AFF3: variants seen among roughly 807,000 people sequenced by gnomAD.
AFF3 encodes AF4/FMR2 family member 3.
Under a neutral mutation model 129.7 loss-of-function variants are expected in AFF3, and 32 were observed. The observed-to-expected ratio is 0.25, with a 90% CI of 0.19 to 0.33. The LOEUF is 0.33. AFF3 is among the 10% of genes least tolerant of loss of function. The probability of loss-of-function intolerance (pLI) is 1.00; values close to 1 mark genes in which losing one functional copy is unlikely to be tolerated. For missense variants in AFF3, 1,373 were observed against 1,592.0 expected, an observed-to-expected ratio of 0.86 and a Z score of 2.34; for synonymous variants, 644 against 635.4, an observed-to-expected ratio of 1.01 and a Z score of -0.20.
chr2:99,604,706 A>G (rs1330113387), intron 13 of AFF3, among the ~76,000 whole-genome samples: 1 of 152,168 alleles, frequency 6.6e-6, no homozygotes. Flanking sequence ...AAGCAAAACA[A>G]CACATGGCTC....
At chr2:99,666,393 T>TA (rs953620216) in intron 12 of AFF3, among the ~76,000 whole-genome samples, 9 of 152,052 alleles carry the variant, frequency 5.9e-5, no homozygotes, top group Non-Finnish European at 1.2e-4. Flanking sequence ...GAATAGCCAC[T>TA]AAAAAAGCTG....
intron 16 of AFF3, among the ~76,000 whole-genome samples, chr2:99,584,686 G>A (rs1677919325): frequency 6.6e-6 from 1 of 152,052 alleles, no homozygotes; most frequent in Non-Finnish European, 1.5e-5. Context: ...GTATTGTTTG[G>A]GGAAGACAGA....
At chr2:99,708,950 A>C (rs957175714) in intron 11 of AFF3, among the ~76,000 whole-genome samples, 10 of 152,232 alleles carry the variant, frequency 6.6e-5, no homozygotes, top group Admixed American at 6.5e-4. Context: ...TTAAATTCTT[A>C]AACTGGACTT....
At chr2:100,119,431 C>T (rs974123680) in intron 2 of AFF3, among the ~76,000 whole-genome samples, 3 of 152,186 alleles carry the variant, frequency 2.0e-5, no homozygotes, top group Non-Finnish European at 2.9e-5. Flanking sequence ...AACTAGGAGT[C>T]TTCATTGGCC....
chr2:99,835,036 A>G (rs1213772697), intron 8 of AFF3, among the ~76,000 whole-genome samples: 1 of 152,174 alleles, frequency 6.6e-6, no homozygotes, highest in East Asian at 1.9e-4. Context: ...ATGCTCAAAA[A>G]TGAATTTATG....
At chr2:99,890,170 C>T (rs758254515) in intron 7 of AFF3, among the ~76,000 whole-genome samples, 4 of 152,160 alleles carry the variant, frequency 2.6e-5, no homozygotes, top group African/African-American at 7.2e-5. Context: ...TAATGGGACA[C>T]CAGCTCAGCC....
At chr2:100,136,144 G>A (rs1692633035) in intron 1 of AFF3, among the ~76,000 whole-genome samples, 1 of 152,224 alleles carries the variant, frequency 6.6e-6, no homozygotes, top group Non-Finnish European at 1.5e-5. Flanking sequence ...CAAAAGGAGA[G>A]ACTGAGTGTT....
chr2:99,769,283 C>T (rs1683274954), intron 8 of AFF3, among the ~76,000 whole-genome samples: 1 of 152,172 alleles, frequency 6.6e-6, no homozygotes, highest in African/African-American at 2.4e-5. Flanking sequence ...TATTAAGAGA[C>T]TCTGATGCAT....
At chr2:99,652,822 T>C (rs1685392568) in intron 12 of AFF3, among the ~76,000 whole-genome samples, 1 of 152,182 alleles carries the variant, frequency 6.6e-6, no homozygotes, top group African/African-American at 2.4e-5. Flanking sequence ...AGATTCTGAA[T>C]GAAGACCCCA....
rs546922633 is a variant in AFF3 at position 99,808,904 on chromosome 2, A to G, written c.921+28573T>C. ...ATCATGTGTTTTTGTTAGTGCATTA[A>G]AACACTGAATTTACTTAATGACTAC... On this transcript the variant is annotated intron_variant, in intron 8 of 24. Transcript: ENST00000672756. Among the ~76,000 whole-genome samples, 3 of 152,336 alleles carry G rather than the reference A, an allele frequency of 2.0e-5. No individual in the cohort carries two copies. The South Asian group carries it at 6.2e-4, about 32-fold the overall frequency.
chr2:99,696,701 G>A (rs1252725130), intron 11 of AFF3, among the ~76,000 whole-genome samples: 1 of 107,390 alleles, frequency 9.3e-6, no homozygotes, highest in Non-Finnish European at 2.0e-5. Flanking sequence ...TTGTTGCCCA[G>A]GCTGGAGTGC....
rs187276757 is a variant in AFF3, at chr2:100,120,125, T to G, written c.-145+9099A>C. Among the ~76,000 whole-genome samples, 11 of 152,302 alleles carry G rather than the reference T, an allele frequency of 7.2e-5. No individual in the cohort carries two copies. The East Asian group carries it at 1.9e-3, about 27-fold the overall frequency. On this transcript the variant is annotated intron_variant, in intron 2 of 24. Coordinates refer to ENST00000672756, the MANE Select transcript of AFF3 (RefSeq NM_001386135.1). ...CCATACGAGAAGTATTATCAGGTCT[T>G]GAGAAGTAGCTTCTTAGAGAGGCTT...
At chr2:99,783,619 C>T (rs978583426) in intron 8 of AFF3, among the ~76,000 whole-genome samples, 1 of 152,270 alleles carries the variant, frequency 6.6e-6, no homozygotes, top group African/African-American at 2.4e-5. Flanking sequence ...AACCAAACAA[C>T]ATCTTTGCTC....
rs182756324 is a variant in AFF3, at chr2:99,581,063, C to T, written c.2793+1735G>A. ...GTGATCCCCTGTATAAGGCTCTCTCCCTAGAACTGTAAGCTTCATGGGGGC... is the reference window on the plus strand; with the variant it reads ...GTGATCCCCTGTATAAGGCTCTCTCTCTAGAACTGTAAGCTTCATGGGGGC... On this transcript the variant is annotated intron_variant, in intron 17 of 24. Coordinates refer to ENST00000672756, the MANE Select transcript of AFF3 (RefSeq NM_001386135.1). 2.4e-3 allele frequency among the ~76,000 whole-genome samples: 360 copies of T among 152,272 alleles called. 3 individuals carry two copies. Among genetic ancestry groups the T allele is most frequent in the African/African-American group, 8.4e-3 (347 of 41,554 alleles).
intron 4 of AFF3, among the ~76,000 whole-genome samples, chr2:100,033,042 C>T (rs1684634720): frequency 6.6e-6 from 1 of 152,082 alleles, no homozygotes; most frequent in African/African-American, 2.4e-5. Context: ...ATCAGCTTGC[C>T]AATTTCCACA....
intron 8 of AFF3, among the ~76,000 whole-genome samples, chr2:99,808,583 C>T (rs1008627359): frequency 1.3e-5 from 2 of 151,960 alleles, no homozygotes; most frequent in African/African-American, 4.8e-5. Context: ...ATGGATGAAC[C>T]TCAATCAATA....
intron 7 of AFF3, among the ~76,000 whole-genome samples, chr2:99,999,648 T>C (rs1203835956): frequency 6.6e-6 from 1 of 152,162 alleles, no homozygotes; most frequent in Non-Finnish European, 1.5e-5. Flanking sequence ...ACTATAGGAA[T>C]TATTATGAGT....
chr2:99,728,222 G>A (rs992070680), intron 10 of AFF3, among the ~76,000 whole-genome samples: 5 of 152,224 alleles, frequency 3.3e-5, no homozygotes, highest in African/African-American at 9.6e-5. Flanking sequence ...CTTGGAGATG[G>A]AAGAAGTCAC....
intron 7 of AFF3, among the ~76,000 whole-genome samples, chr2:99,873,108 C>T (rs996466971): frequency 6.6e-6 from 1 of 152,180 alleles, no homozygotes; most frequent in African/African-American, 2.4e-5. Flanking sequence ...AACCATCCTA[C>T]CTGAACAGGC....
Sources: allele counts gnomAD v4.1 joint callset (sites outside exome capture counted in the v4.1 genomes callset), GRCh38; gene constraint gnomAD v4.1.1; transcripts MANE v1.5; gene names NCBI Gene and HGNC (gene_info 2026-07-23, HGNC 2026-07-21).